C16orf74: variants seen among roughly 807,000 people sequenced by gnomAD.
C16orf74 encodes calcimembrin.
C16orf74 carries 10 observed loss-of-function variants against 6.5 expected under a neutral mutation model. That is an observed-to-expected ratio of 1.54 (90% CI 0.95 to 2.61). C16orf74 has a LOEUF of 2.61. Among genes scored for constraint, C16orf74 ranks in the 30% most tolerant of loss-of-function variants. The pLI is 0.00. For synonymous variants in C16orf74, 60 were observed against 42.5 expected (o/e 1.41, Z -1.60); for missense variants, 141 against 105.9 (o/e 1.33, Z -1.45).
chr16:85,717,907 G>A (rs1027164382), intron 2 of C16orf74, among the ~76,000 whole-genome samples: 4 of 152,160 alleles, frequency 2.6e-5, no homozygotes, highest in East Asian at 3.8e-4. Context: ...GCCCGTGCCC[G>A]AGACGCTACA....
At chr16:85,750,617 C>G (rs1432943870) in intron 1 of C16orf74, among the ~76,000 whole-genome samples, 1 of 152,238 alleles carries the variant, frequency 6.6e-6, no homozygotes, top group East Asian at 1.9e-4. Context: ...GAACTCGTGA[C>G]GGCGCGGGGT....
At position 85,717,073 on chromosome 16, in the gene C16orf74, G is replaced by A. The variant is rs1218162907; in HGVS notation, c.29-6766C>T. 3.9e-5 allele frequency among the ~76,000 whole-genome samples: 6 copies of A among 152,300 alleles called. No homozygotes were observed. The South Asian group carries it at 1.2e-3, about 32-fold the overall frequency. On this transcript the variant is annotated intron_variant, in intron 2 of 3. Transcript: ENST00000284245. ...CACTTCCGGGGAGGCTTCGTGCTCC[G>A]GGTCACCAGGCCCTGACCCCCGCTC...
intron 2 of C16orf74, among the ~76,000 whole-genome samples, chr16:85,720,050 C>CT (rs112970652): frequency 0.022 from 3,221 of 143,848 alleles, 98 homozygotes; most frequent in African/African-American, 0.071. Context: ...TGCGTTTAAT[C>CT]TTTTTTTTTT....
intron 2 of C16orf74, among the ~76,000 whole-genome samples, chr16:85,732,630 C>T (rs1427119536): frequency 2.1e-5 from 3 of 143,506 alleles, no homozygotes; most frequent in African/African-American, 7.9e-5. Context: ...TGCACCACTG[C>T]ACTCCAGCCT....
intron 1 of C16orf74, among the ~76,000 whole-genome samples, chr16:85,750,190 C>T (rs1441327356): frequency 6.6e-6 from 1 of 152,198 alleles, no homozygotes; most frequent in Non-Finnish European, 1.5e-5. Flanking sequence ...TTCCCTTCCT[C>T]CCTCTTCCTC....
intron 1 of C16orf74, among the ~76,000 whole-genome samples, chr16:85,736,285 C>G (rs2054243916): frequency 6.6e-6 from 1 of 152,036 alleles, no homozygotes; most frequent in South Asian, 2.1e-4. Flanking sequence ...TGTGAGGAGA[C>G]CCCAGGCCTG....
chr16:85,728,464 T>C (rs1236247601), intron 2 of C16orf74, among the ~76,000 whole-genome samples: 1 of 152,162 alleles, frequency 6.6e-6, no homozygotes, highest in African/African-American at 2.4e-5. Context: ...ACCAGTCTCA[T>C]TCCCAGGAGC....
At position 85,710,274 on chromosome 16, in the gene C16orf74, C is replaced by G. The variant is rs761134549; in HGVS notation, c.62G>C (p.Ser21Thr). 1 of 1,401,444 alleles carries G rather than the reference C, an allele frequency of 7.1e-7. No individual in the cohort carries two copies. The highest frequency in any genetic ancestry group is 2.8e-5 in the Admixed American group (1 of 35,334). 86.8% of individuals were successfully genotyped at this position (1,401,444 alleles called of 1,614,324 possible). Reference sequence around the variant, plus strand: ...GTTCAGGACGGGGGCCTCGTCGTGGCTGCTGCTGCTGCTGCTGACACACAT... The same window carrying G: ...GTTCAGGACGGGGGCCTCGTCGTGGGTGCTGCTGCTGCTGCTGACACACAT... The part of the protein sequence containing the change: ...FQMCVSSSSS[S>T]HDEAPVLNDK... Residue 21 changes from serine (S) to threonine (T), a missense_variant, in exon 3 of 4, where the codon AGC (serine) becomes ACC (threonine). Ser to Thr is a moderately conservative substitution (Grantham distance 58). Transcript: ENST00000284245.
intron 1 of C16orf74, among the ~76,000 whole-genome samples, chr16:85,736,047 G>C (rs1191318683): frequency 6.6e-6 from 1 of 152,170 alleles, no homozygotes; most frequent in Non-Finnish European, 1.5e-5. Flanking sequence ...CTAATCCCTA[G>C]GCTGGGGCCC....
At chr16:85,735,640 G>A (rs2054236025) in intron 1 of C16orf74, among the ~76,000 whole-genome samples, 1 of 151,986 alleles carries the variant, frequency 6.6e-6, no homozygotes, top group African/African-American at 2.4e-5. Flanking sequence ...AGGGCTCGGG[G>A]GTGGCCCAGA....
intron 2 of C16orf74, among the ~76,000 whole-genome samples, chr16:85,725,674 G>A (rs925882819): frequency 6.6e-6 from 1 of 152,072 alleles, no homozygotes; most frequent in African/African-American, 2.4e-5. Context: ...GGCAATTTTG[G>A]CTCACTGCAA....
intron 1 of C16orf74, among the ~76,000 whole-genome samples, chr16:85,744,589 G>A (rs943644789): frequency 6.6e-6 from 1 of 152,138 alleles, no homozygotes; most frequent in Non-Finnish European, 1.5e-5. Context: ...CCAGCACTTT[G>A]GGAGGCCAAG....
intron 2 of C16orf74, among the ~76,000 whole-genome samples, chr16:85,716,555 A>G (rs2054026177): frequency 7.7e-6 from 1 of 130,428 alleles, no homozygotes. Context: ...AGGAGGACAG[A>G]GGGAGGGAAG....
chr16:85,710,594 G>A (rs2053960016), intron 2 of C16orf74: 2 of 379,832 alleles, frequency 5.3e-6, no homozygotes, highest in Non-Finnish European at 9.4e-6. Context: ...CCTTTACCAT[G>A]TGGCCCAGCC....
intron 1 of C16orf74, among the ~76,000 whole-genome samples, chr16:85,736,791 C>G (rs1000591355): frequency 1.3e-5 from 2 of 152,182 alleles, no homozygotes; most frequent in East Asian, 1.9e-4. Context: ...CAGTGGCTCA[C>G]GCCTATAATC....
At chr16:85,708,965 G>A (rs970216050) in intron 3 of C16orf74, among the ~76,000 whole-genome samples, 2 of 152,390 alleles carry the variant, frequency 1.3e-5, no homozygotes, top group South Asian at 2.1e-4. Context: ...TGGGGGCCAC[G>A]GGGTGAAGTG....
At chr16:85,742,826 C>A (rs1029581346) in intron 1 of C16orf74, among the ~76,000 whole-genome samples, 2 of 152,220 alleles carry the variant, frequency 1.3e-5, no homozygotes, top group Admixed American at 1.3e-4. Flanking sequence ...CAGGCGTGAG[C>A]CACGGTGCCC....
Position 85,734,804 on chromosome 16 carries a change from G to A in C16orf74, c.28+386C>T, listed in dbSNP as rs2054226498. ...CGCTGGCCTTCTCTCCTACCACCTGGACGCTGGACCTCCTGTCTGGGTGAT... is the reference window on the plus strand; with the variant it reads ...CGCTGGCCTTCTCTCCTACCACCTGAACGCTGGACCTCCTGTCTGGGTGAT... On this transcript the variant is annotated intron_variant, in intron 2 of 3. Transcript: ENST00000284245. Among the ~76,000 whole-genome samples, 2 of 152,124 alleles carry A rather than the reference G, an allele frequency of 1.3e-5. 1 individual carries two copies. Among genetic ancestry groups the A allele is most frequent in the Non-Finnish European group, 2.9e-5 (2 of 68,022 alleles).
chr16:85,718,897 T>G (rs1184916802), intron 2 of C16orf74, among the ~76,000 whole-genome samples: 1 of 152,132 alleles, frequency 6.6e-6, no homozygotes, highest in African/African-American at 2.4e-5. Context: ...CAGCCCCGAG[T>G]GTGGGTCGGG....
Sources: gnomAD v4.1 joint callset for allele counts (sites outside exome capture counted in the v4.1 genomes callset) on GRCh38, gnomAD v4.1.1 for gene constraint, MANE v1.5 for transcripts, NCBI Gene and HGNC (gene_info 2026-07-23, HGNC 2026-07-21) for gene names.